Variants in ENTPD7 observed in about 807,000 individuals in gnomAD.
ENTPD7 encodes the protein NTPDase 7.
Under a neutral mutation model 77.9 loss-of-function variants are expected in ENTPD7, and 53 were observed. The ratio of observed to expected loss-of-function variants is 0.68; its 90% CI spans 0.55 to 0.85. The LOEUF (loss-of-function observed/expected upper bound fraction) is 0.85. Among genes scored for constraint, ENTPD7 ranks in the 40% least tolerant of loss-of-function variants. The pLI is 0.00. For synonymous variants in ENTPD7, 248 were observed against 274.9 expected (o/e 0.90, Z 0.97); for missense variants, 636 against 743.7 (o/e 0.86, Z 1.68).
Position 99,704,591 on chromosome 10 carries a change from A to C in ENTPD7, c.1723A>C (p.Ile575Leu). 1 of 1,614,150 alleles carries C rather than the reference A, an allele frequency of 6.2e-7. No individual in the cohort carries two copies. The highest frequency in any genetic ancestry group is 8.5e-7 in the Non-Finnish European group (1 of 1,180,034). ...IFLYLLRLRRIHHRQTRASAP... is the reference protein window; with the variant it reads ...IFLYLLRLRRLHHRQTRASAP... ...CCTATACCTTCTGCGGCTACGCCGA[A>C]TTCACCACCGACAAACACGAGCCTC... Residue 575 changes from isoleucine (I) to leucine (L), a missense_variant, in exon 13 of 13, where the codon ATT (isoleucine) becomes CTT (leucine). By Grantham distance (5) the Ile-to-Leu change is conservative. Coordinates refer to ENST00000370489, the MANE Select transcript of ENTPD7 (RefSeq NM_020354.5).
In ENTPD7 at chr10:99,704,675, G is replaced by A. The variant is rs773217072; in HGVS notation, c.1807G>A (p.Gly603Arg). Residue 603 changes from glycine (G) to arginine (R), a missense_variant, in exon 13 of 13, where the codon GGG becomes AGG. Coordinates refer to ENST00000370489, the MANE Select transcript of ENTPD7 (RefSeq NM_020354.5). ...EVVPMMGVQV[G>R]P ...GGTGCCCATGATGGGAGTACAGGTG[G>A]GGCCGTGAGGCTGGACCAGGACTAG... 2 of 1,613,168 alleles carry A rather than the reference G, an allele frequency of 1.2e-6. No individual in the cohort carries two copies. The highest frequency in any genetic ancestry group is 1.7e-6 in the Non-Finnish European group (2 of 1,179,632).
rs757534261 is a variant in ENTPD7 at position 99,706,412 on chromosome 10, C to T, written c.*1729C>T. On this transcript the variant is annotated 3_prime_UTR_variant, in exon 13 of 13. Coordinates refer to ENST00000370489, the MANE Select transcript of ENTPD7 (RefSeq NM_020354.5). ...GCAGTTGTGCAACATCATGGCTCAC[C>T]GCAGCCTCAACCTCCTGGGCTCAAA... 6.6e-5 allele frequency among the ~76,000 whole-genome samples: 10 copies of T among 151,966 alleles called. No individual in the cohort carries two copies. The highest frequency in any genetic ancestry group is 2.1e-4 in the South Asian group (1 of 4,808).
At chr10:99,694,101 G>A (rs1467633480) in intron 8 of ENTPD7, among the ~76,000 whole-genome samples, 2 of 151,984 alleles carry the variant, frequency 1.3e-5, no homozygotes, top group Non-Finnish European at 2.9e-5. Context: ...AAGTTGTGCA[G>A]CCACCACTAT....
At chr10:99,691,267 C>T in intron 7 of ENTPD7, 118 bp from the exon 8 acceptor site, 3 of 1,084,214 alleles carry the variant, frequency 2.8e-6, no homozygotes. Flanking sequence ...TTTGGGATTA[C>T]AGGTGTGAGC....
chr10:99,661,808 A>G (rs2035490979), intron 3 of ENTPD7, among the ~76,000 whole-genome samples, 180 bp downstream of exon 3: 1 of 152,230 alleles, frequency 6.6e-6, no homozygotes, highest in African/African-American at 2.4e-5. Context: ...GTACAGGAAT[A>G]CTGATACTGC....
At chr10:99,665,516 C>A (rs1475232480) in intron 3 of ENTPD7, among the ~76,000 whole-genome samples, 1 of 152,008 alleles carries the variant, frequency 6.6e-6, no homozygotes, top group East Asian at 2.0e-4. Context: ...TTCATTCATT[C>A]ATTCATCATT....
intron 3 of ENTPD7, 98 bp from the exon 4 acceptor site, chr10:99,679,163 T>C: frequency 8.6e-7 from 1 of 1,158,826 alleles, no homozygotes; most frequent in South Asian, 1.4e-5. Context: ...TTAGCACATG[T>C]AGGCACTTAA....
chr10:99,664,569 C>G (rs1213067357), intron 3 of ENTPD7, among the ~76,000 whole-genome samples: 1 of 151,794 alleles, frequency 6.6e-6, no homozygotes, highest in Non-Finnish European at 1.5e-5. Flanking sequence ...CCTGCCTCAG[C>G]CTCCTGAGTA....
Position 99,698,678 on chromosome 10 carries a change from G to A in ENTPD7, c.1155G>A (p.Met385Ile), listed in dbSNP as rs747900647. The change falls in exon 10 of 13, where the codon ATG becomes ATA. Residue 385 changes from methionine (M) to isoleucine (I), a missense_variant. Physicochemically the swap from Met to Ile is conservative, Grantham distance 10 (BLOSUM62 1). Coordinates refer to ENST00000370489, the MANE Select transcript of ENTPD7 (RefSeq NM_020354.5). The stretch of plus-strand genomic sequence containing the variant: ...GAGACTGGGTGTCTTGTGGGGCAAT[G>A]CTGAGCCCCCTGCTGGCTCGCTCCA... ...GRGDWVSCGA[M>I]LSPLLARSNT... 7 of 1,614,092 alleles carry A rather than the reference G, an allele frequency of 4.3e-6. No individual in the cohort carries two copies. Among genetic ancestry groups the A allele is most frequent in the Non-Finnish European group, 5.9e-6 (7 of 1,180,050 alleles).
chr10:99,678,404 C>T (rs928047615), intron 3 of ENTPD7, among the ~76,000 whole-genome samples: 1 of 149,808 alleles, frequency 6.7e-6, no homozygotes, highest in South Asian at 2.1e-4. Flanking sequence ...GGAGGCGAAG[C>T]GTGCAGTGAG....
chr10:99,661,517 A>G lies in ENTPD7; in HGVS notation c.80A>G (p.Gln27Arg). Reference protein sequence around the residue: ...TVPTVSPFLRQRVAFLGLFFI... With the variant: ...TVPTVSPFLRRRVAFLGLFFI... ...CCCACAGTGAGTCCATTTCTCCGTC[A>G]GCGGGTGGCATTCCTGGGACTCTTC... is the stretch of plus-strand genomic sequence containing the variant. Residue 27 changes from glutamine (Q) to arginine (R), a missense_variant, in exon 3 of 13, where the codon CAG becomes CGG. Transcript: ENST00000370489. The G allele has an allele frequency of 6.2e-7, 1 of 1,613,992 alleles. No individual in the cohort carries two copies. Among genetic ancestry groups the G allele is most frequent in the Non-Finnish European group, 8.5e-7 (1 of 1,179,984 alleles).
chr10:99,661,398 C>T (rs372989315), intron 2 of ENTPD7, 48 bp from the exon 3 acceptor site: 4 of 1,495,458 alleles, frequency 2.7e-6, no homozygotes, highest in South Asian at 1.3e-5. Context: ...TATTTAAGCA[C>T]TCAGTTGTAG....
At chr10:99,700,903 T>C in intron 10 of ENTPD7, 70 bp from the exon 11 acceptor site, 1 of 1,258,896 alleles carries the variant, frequency 7.9e-7, no homozygotes, top group Non-Finnish European at 1.2e-6. Context: ...ATGGAACAGC[T>C]GTGACTGTGG....
chr10:99,693,747 G>A (rs183519449), intron 8 of ENTPD7, among the ~76,000 whole-genome samples: 4 of 152,048 alleles, frequency 2.6e-5, no homozygotes, highest in African/African-American at 4.8e-5. Flanking sequence ...GTGAAACCCC[G>A]TCTCTACTAA....
intron 3 of ENTPD7, among the ~76,000 whole-genome samples, chr10:99,669,435 A>C (rs1333289717): frequency 6.6e-6 from 1 of 152,200 alleles, no homozygotes; most frequent in Non-Finnish European, 1.5e-5. Flanking sequence ...CAGTAGTTCC[A>C]GAACTAAAGA....
Position 99,659,580 on chromosome 10 carries a change from C to G in ENTPD7, c.-104C>G, listed in dbSNP as rs960844880. On this transcript the variant is annotated 5_prime_UTR_variant, in exon 1 of 13. Coordinates refer to ENST00000370489, the MANE Select transcript of ENTPD7 (RefSeq NM_020354.5). The surrounding 1 kb of genome is among the most constrained non-coding windows in gnomAD (Gnocchi z 4.1). Reference sequence around the variant, plus strand: ...AGGTGCCGAAGGAACCGGCGGGCCGCTTGATCCCGTGAGTGTGGGCGCGAG... The same window carrying G: ...AGGTGCCGAAGGAACCGGCGGGCCGGTTGATCCCGTGAGTGTGGGCGCGAG... 1.7e-5 allele frequency: 3 copies of G among 180,088 alleles called. No homozygotes were observed. The highest frequency in any genetic ancestry group is 7.1e-5 in the African/African-American group (3 of 42,288). The allele number at this position is 180,088 out of a possible 1,614,324, so 11.2% of individuals were successfully genotyped here.
At chr10:99,699,702 T>C (rs772068315) in intron 10 of ENTPD7, among the ~76,000 whole-genome samples, 2 of 152,160 alleles carry the variant, frequency 1.3e-5, no homozygotes, top group African/African-American at 2.4e-5. Flanking sequence ...GTAGCTGGGA[T>C]TACAGATGCC....
Position 99,700,118 on chromosome 10 carries a change from C to T in ENTPD7, c.1336-855C>T, listed in dbSNP as rs142182929. ...CCCTGTTTTTCTGGAGCCCAGAGCT[C>T]CCTAACTATCCATGGCCTGACTCTT... On this transcript the variant is annotated intron_variant, in intron 10 of 12. Coordinates refer to ENST00000370489, the MANE Select transcript of ENTPD7 (RefSeq NM_020354.5). 2.0e-3 allele frequency among the ~76,000 whole-genome samples: 312 copies of T among 152,274 alleles called. 2 individuals carry two copies. Among genetic ancestry groups the T allele is most frequent in the Non-Finnish European group, 3.2e-3 (219 of 68,022 alleles).
At chr10:99,700,226 C>T (rs2036084353) in intron 10 of ENTPD7, among the ~76,000 whole-genome samples, 3 of 152,138 alleles carry the variant, frequency 2.0e-5, no homozygotes. Context: ...ATTATCTTTT[C>T]CAGGTAAAAG....
Sources: allele counts gnomAD v4.1 joint callset (sites outside exome capture counted in the v4.1 genomes callset), GRCh38; gene constraint gnomAD v4.1.1; non-coding constraint Gnocchi (gnomAD v3.1); transcripts MANE v1.5; gene names NCBI Gene and HGNC (gene_info 2026-07-23, HGNC 2026-07-21).